The following EYA1 variants were observed in gnomAD, a reference collection of about 807,000 sequenced individuals.
The protein encoded by EYA1 is protein phosphatase EYA1.
EYA1 carries 16 observed loss-of-function variants against 82.0 expected under a neutral mutation model. The observed-to-expected ratio is 0.20, with a 90% CI of 0.13 to 0.30. The LOEUF is 0.30. Among genes scored for constraint, EYA1 ranks in the 10% least tolerant of loss-of-function variants. EYA1 has a pLI of 1.00. For missense variants in EYA1, 633 were observed against 730.7 expected (o/e 0.87, Z 1.54); for synonymous variants, 261 against 264.4 (o/e 0.99, Z 0.12).
chr8:71,531,202 T>C (rs1291147371), intron 2 of EYA1: 1 of 152,198 alleles, frequency 6.6e-6, no homozygotes, highest in Non-Finnish European at 1.5e-5. Flanking sequence ...AAAAAGTGAA[T>C]TAGAGTTATG....
chr8:71,252,791 C>A (rs1273019301), intron 11 of EYA1, among the ~76,000 whole-genome samples: 1 of 152,144 alleles, frequency 6.6e-6, no homozygotes, highest in African/African-American at 2.4e-5. Context: ...TCAAAAAAAT[C>A]AATTACTTGC....
intron 2 of EYA1, among the ~76,000 whole-genome samples, chr8:71,446,982 C>A (rs1273770671): frequency 1.3e-5 from 2 of 151,904 alleles, no homozygotes; most frequent in African/African-American, 2.4e-5. Flanking sequence ...ACTGAGCAAC[C>A]ACTATATGTC....
intron 2 of EYA1, among the ~76,000 whole-genome samples, chr8:71,484,162 A>C (rs1810385887): frequency 6.6e-6 from 1 of 152,184 alleles, no homozygotes; most frequent in African/African-American, 2.4e-5. Context: ...CCATCCCTGC[A>C]GGGGAAAGGG....
chr8:71,254,901 C>T lies in EYA1; in HGVS notation c.1051-10209G>A, dbSNP rs184433142. Among the ~76,000 whole-genome samples the T allele has an allele frequency of 2.7e-4, 38 of 142,106 alleles. No individual in the cohort carries two copies. In the East Asian group the frequency reaches 8.1e-3, roughly 30 times the overall value. The allele number at this position is 142,106 out of a possible 152,430, so 93.2% of individuals were successfully genotyped here. A position where few individuals can be genotyped will look rare whatever the true frequency, so the allele number is the denominator to read the frequency against. On this transcript the variant is annotated intron_variant, in intron 11 of 17. Coordinates refer to ENST00000340726, the MANE Select transcript of EYA1 (RefSeq NM_000503.6). ...CTAATGAATACATTCAGCACAGTTG[C>T]AGGATGAAAAAACAACACACAAAAA...
intron 2 of EYA1, among the ~76,000 whole-genome samples, chr8:71,403,253 T>C (rs753237592): frequency 2.0e-4 from 31 of 152,128 alleles, no homozygotes; most frequent in Non-Finnish European, 4.4e-4. Flanking sequence ...TCAAAGAATA[T>C]GATCAGACAA....
At chr8:71,540,891 A>C (rs1385694563) in intron 1 of EYA1, among the ~76,000 whole-genome samples, 2 of 152,210 alleles carry the variant, frequency 1.3e-5, no homozygotes, top group African/African-American at 4.8e-5. Context: ...GGCTATTCTG[A>C]AATAAGTCCC....
intron 2 of EYA1, among the ~76,000 whole-genome samples, chr8:71,463,463 A>G (rs1455809719): frequency 2.0e-5 from 3 of 152,228 alleles, no homozygotes; most frequent in African/African-American, 7.2e-5. Context: ...TCATGACACA[A>G]AAAGCTGGAT....
chr8:71,516,180 A>G (rs1265071742), intron 2 of EYA1, among the ~76,000 whole-genome samples: 1 of 152,144 alleles, frequency 6.6e-6, no homozygotes, highest in Admixed American at 6.6e-5. Context: ...TACTCTGTTT[A>G]TTCTTTCATT....
At chr8:71,300,161 T>A (rs1311098035) in intron 7 of EYA1, among the ~76,000 whole-genome samples, 13 of 152,144 alleles carry the variant, frequency 8.5e-5, no homozygotes, top group Admixed American at 8.5e-4. Context: ...TATTATATGG[T>A]CATTAAAATG....
chr8:71,446,517 G>A (rs747932796), intron 2 of EYA1, among the ~76,000 whole-genome samples: 55 of 152,108 alleles, frequency 3.6e-4, no homozygotes, highest in Non-Finnish European at 4.9e-4. Context: ...ATAGCAGTGC[G>A]AAAATGGACT....
rs183055422 is a variant in EYA1 at position 71,427,686 on chromosome 8, C to T, written c.34-71175G>A. Among the ~76,000 whole-genome samples the T allele has an allele frequency of 2.9e-4, 44 of 151,924 alleles. 1 individual carries two copies. Among genetic ancestry groups the T allele is most frequent in the Admixed American group, 2.7e-3 (41 of 15,254 alleles). On this transcript the variant is annotated intron_variant, in intron 2 of 18. Transcript: ENST00000643681. ...TTAGTTCAACATATATGCTGAAAAA[C>T]AAAAAACAGGGAAGGCTAGTGCATC...
chr8:71,486,033 G>T (rs1019651750), intron 2 of EYA1, among the ~76,000 whole-genome samples: 2 of 152,134 alleles, frequency 1.3e-5, no homozygotes, highest in African/African-American at 4.8e-5. Flanking sequence ...CAGTTCTGGC[G>T]GAATCTTCAT....
chr8:71,545,718 C>T (rs989948433), intron 1 of EYA1, among the ~76,000 whole-genome samples: 2 of 151,902 alleles, frequency 1.3e-5, no homozygotes, highest in East Asian at 3.9e-4. Context: ...CCCACCACCA[C>T]GCCCAGCTAA....
At chr8:71,465,003 T>C (rs528452780) in intron 2 of EYA1, among the ~76,000 whole-genome samples, 2 of 152,316 alleles carry the variant, frequency 1.3e-5, no homozygotes, top group African/African-American at 2.4e-5. Context: ...TATTGTAAAA[T>C]GTATATGTGG....
intron 2 of EYA1, among the ~76,000 whole-genome samples, chr8:71,446,469 CCT>C (rs1806886536): frequency 6.6e-6 from 1 of 152,128 alleles, no homozygotes; most frequent in African/African-American, 2.4e-5. Flanking sequence ...AATTAAATCT[CCT>C]CTGTTTAAAA....
intron 2 of EYA1, among the ~76,000 whole-genome samples, chr8:71,455,784 A>C (rs1807843365): frequency 6.6e-6 from 1 of 152,166 alleles, no homozygotes; most frequent in Non-Finnish European, 1.5e-5. Context: ...TTTATGACAA[A>C]CCCATAGCTG....
intron 1 of EYA1, among the ~76,000 whole-genome samples, chr8:71,542,782 G>A (rs1024352918): frequency 2.0e-5 from 3 of 152,114 alleles, no homozygotes; most frequent in African/African-American, 7.2e-5. Flanking sequence ...GTATCTCATT[G>A]TGGTTTTGAC....
intron 1 of EYA1, among the ~76,000 whole-genome samples, chr8:71,546,193 C>A (rs909318822): frequency 2.6e-5 from 4 of 152,190 alleles, no homozygotes; most frequent in African/African-American, 9.6e-5. Context: ...CGCCAGGAAG[C>A]CTTGCACACC....
intron 2 of EYA1, among the ~76,000 whole-genome samples, chr8:71,489,094 C>G (rs900082418): frequency 6.6e-6 from 1 of 152,174 alleles, no homozygotes; most frequent in African/African-American, 2.4e-5. Context: ...TTCTCTTGAG[C>G]AACTGGTATG....
Sources: gnomAD v4.1 joint callset for allele counts (sites outside exome capture counted in the v4.1 genomes callset) on GRCh38, gnomAD v4.1.1 for gene constraint, MANE v1.5 for transcripts, NCBI Gene and HGNC (gene_info 2026-07-23, HGNC 2026-07-21) for gene names.